The following CCDC146 variants were observed in gnomAD, a reference collection of about 807,000 sequenced individuals.
The protein encoded by CCDC146 is coiled-coil domain containing 146.
A neutral mutation model predicts 119.3 loss-of-function variants in CCDC146; 92 were observed. The observed-to-expected ratio is 0.77, with a 90% CI of 0.65 to 0.92. CCDC146 has a LOEUF of 0.92. Among genes scored for constraint, CCDC146 ranks in the 40% least tolerant of loss-of-function variants. The pLI is 0.00. For missense variants in CCDC146, 1,000 were observed against 1,103.0 expected (o/e 0.91, Z 1.32); for synonymous variants, 372 against 371.8 (o/e 1.00, Z -0.01).
At chr7:77,268,278 A>G (rs1251994254) in intron 9 of CCDC146, among the ~76,000 whole-genome samples, 1 of 152,224 alleles carries the variant, frequency 6.6e-6, no homozygotes, top group Non-Finnish European at 1.5e-5. Context: ...GTTCAAATAC[A>G]GTTATGGAGT....
chr7:77,275,768 T>C (rs576796967), intron 11 of CCDC146, among the ~76,000 whole-genome samples: 7 of 152,074 alleles, frequency 4.6e-5, no homozygotes, highest in African/African-American at 1.7e-4. Flanking sequence ...AAATCAACAA[T>C]AAAACAAATG....
chr7:77,290,445 C>T (rs553320104), intron 17 of CCDC146, among the ~76,000 whole-genome samples: 1 of 151,896 alleles, frequency 6.6e-6, no homozygotes, highest in Non-Finnish European at 1.5e-5. Context: ...ATGACTCCCC[C>T]CAAAGATAAG....
intron 2 of CCDC146, among the ~76,000 whole-genome samples, chr7:77,178,193 G>A (rs1192273999): frequency 6.6e-6 from 1 of 152,172 alleles, no homozygotes; most frequent in African/African-American, 2.4e-5. Flanking sequence ...CCTCCTCTTG[G>A]CACCTTTAAA....
intron 1 of CCDC146, among the ~76,000 whole-genome samples, chr7:77,159,688 CT>C (rs1000647280): frequency 3.3e-5 from 5 of 152,134 alleles, no homozygotes; most frequent in African/African-American, 1.2e-4. Context: ...TTATTTTTTA[CT>C]TTTTGAGGAA....
chr7:77,172,173 G>A (rs368786002), intron 2 of CCDC146, among the ~76,000 whole-genome samples: 8 of 152,204 alleles, frequency 5.3e-5, no homozygotes, highest in East Asian at 1.9e-4. Context: ...CTTTATTTCC[G>A]TAACAACACC....
At chr7:77,253,098 C>T (rs762219470) in intron 4 of CCDC146, among the ~76,000 whole-genome samples, 3 of 151,930 alleles carry the variant, frequency 2.0e-5, no homozygotes, top group Non-Finnish European at 2.9e-5. Context: ...ACAAGGTGTG[C>T]CCACCTGGAC....
At chr7:77,211,659 A>G (rs796289734) in intron 2 of CCDC146, among the ~76,000 whole-genome samples, 63 of 152,148 alleles carry the variant, frequency 4.1e-4, no homozygotes, top group African/African-American at 1.3e-3. Flanking sequence ...TCTGTCACCC[A>G]GGCTGGAGTG....
intron 2 of CCDC146, among the ~76,000 whole-genome samples, chr7:77,184,661 G>T (rs566377478): frequency 1.3e-5 from 2 of 152,142 alleles, no homozygotes; most frequent in African/African-American, 4.8e-5. Flanking sequence ...AGCAAATTCT[G>T]CCATGTAACC....
In CCDC146 at chr7:77,166,702, T is replaced by A. The variant is rs1361675445; in HGVS notation, c.-11-956T>A. ...TATTACCCCTATTATATTTTATAAGTAATAAATTTTTTTAAAGGGAAAACT... is the reference window on the plus strand; with the variant it reads ...TATTACCCCTATTATATTTTATAAGAAATAAATTTTTTTAAAGGGAAAACT... On this transcript the variant is annotated intron_variant, in intron 1 of 18. Transcript: ENST00000285871. 5.9e-5 allele frequency among the ~76,000 whole-genome samples: 9 copies of A among 152,302 alleles called. No homozygotes were observed. In the East Asian group the frequency reaches 1.7e-3, roughly 29 times the overall value.
At chr7:77,246,365 T>C (rs531112558) in intron 4 of CCDC146, 47 of 152,350 alleles carry the variant, frequency 3.1e-4, no homozygotes, top group African/African-American at 1.1e-3. Context: ...TGTCAGCATA[T>C]CGGGCTTCCT....
At chr7:77,273,596 C>G in intron 9 of CCDC146, 98 bp from the exon 10 acceptor site, 1 of 750,396 alleles carries the variant, frequency 1.3e-6, no homozygotes, top group Non-Finnish European at 2.2e-6. Flanking sequence ...TCTCAGCTCA[C>G]TGCAACTTCT....
chr7:77,241,651 A>G (rs201892924), intron 3 of CCDC146, 40 bp from the exon 4 acceptor site: 3 of 1,574,310 alleles, frequency 1.9e-6, no homozygotes, highest in Admixed American at 1.7e-5. Context: ...GAGGATGTAC[A>G]TGTCTCATTA....
Position 77,259,067 on chromosome 7 carries a change from G to A in CCDC146, c.757G>A (p.Val253Ile). The change falls in exon 7 of 19, where the codon GTA becomes ATA. Residue 253 changes from valine (V) to isoleucine (I), a missense_variant and splice_region_variant. Transcript: ENST00000285871. Reference protein sequence around the residue: ...KEIEKITRKKVEMEKKKIVLE... With the variant: ...KEIEKITRKKIEMEKKKIVLE... ...GATAGAAAAAATAACACGCAAAAAA[G>A]TGTATGATTTAATATTTTTACTTTG... 1.3e-6 allele frequency: 2 copies of A among 1,586,632 alleles called. No individual in the cohort carries two copies. Among genetic ancestry groups the A allele is most frequent in the Non-Finnish European group, 1.7e-6 (2 of 1,156,480 alleles).
intron 1 of CCDC146, among the ~76,000 whole-genome samples, chr7:77,138,197 A>C (rs1363028423): frequency 6.6e-6 from 1 of 152,054 alleles, no homozygotes; most frequent in Non-Finnish European, 1.5e-5. Flanking sequence ...GACCCACATA[A>C]ATATAGTCTG....
intron 4 of CCDC146, among the ~76,000 whole-genome samples, chr7:77,251,062 T>C (rs1179463662): frequency 1.3e-5 from 2 of 151,154 alleles, no homozygotes; most frequent in African/African-American, 4.9e-5. Flanking sequence ...TCTCACTCTG[T>C]CCAGGCTGGA....
At chr7:77,283,379 T>A (rs547440658) in intron 15 of CCDC146, among the ~76,000 whole-genome samples, 24 of 152,354 alleles carry the variant, frequency 1.6e-4, no homozygotes, top group African/African-American at 5.8e-4. Flanking sequence ...GTTACTTTCT[T>A]CACATGTGTT....
intron 15 of CCDC146, among the ~76,000 whole-genome samples, chr7:77,284,750 T>C (rs1276879483): frequency 6.6e-6 from 1 of 151,942 alleles, no homozygotes; most frequent in Non-Finnish European, 1.5e-5. Flanking sequence ...CCCTGCCTGA[T>C]GGTGAATTTT....
At chr7:77,270,045 C>T (rs947055925) in intron 9 of CCDC146, among the ~76,000 whole-genome samples, 5 of 152,200 alleles carry the variant, frequency 3.3e-5, no homozygotes, top group Non-Finnish European at 7.3e-5. Flanking sequence ...TCTCCTATGG[C>T]GTTTGACTTG....
intron 2 of CCDC146, among the ~76,000 whole-genome samples, chr7:77,177,123 C>T (rs1791512136): frequency 7.1e-6 from 1 of 140,186 alleles, no homozygotes; most frequent in African/African-American, 2.5e-5. Flanking sequence ...GGTGTAAACC[C>T]CTGCACCTGG....
Sources: allele counts gnomAD v4.1 joint callset (sites outside exome capture counted in the v4.1 genomes callset), GRCh38; gene constraint gnomAD v4.1.1; transcripts MANE v1.5; gene names NCBI Gene and HGNC (gene_info 2026-07-23, HGNC 2026-07-21).